ANKRD11: variants seen among roughly 807,000 people sequenced by gnomAD.
ANKRD11 encodes the protein ankyrin repeat domain-containing protein 11.
A neutral mutation model predicts 195.7 loss-of-function variants in ANKRD11; 17 were observed. The ratio of observed to expected loss-of-function variants is 0.09; its 90% CI spans 0.06 to 0.13. The LOEUF (loss-of-function observed/expected upper bound fraction) is 0.13. ANKRD11 is among the 10% of genes least tolerant of loss of function. The pLI is 1.00. For synonymous variants in ANKRD11, 1,953 were observed against 1,528.1 expected (o/e 1.28, Z -6.49); for missense variants, 3,735 against 3,566.1 (o/e 1.05, Z -1.21).
At chr16:89,404,418 T>C (rs556381343) in intron 2 of ANKRD11, among the ~76,000 whole-genome samples, 27 of 152,372 alleles carry the variant, frequency 1.8e-4, no homozygotes, top group Non-Finnish European at 3.1e-4. Flanking sequence ...AACCCTATTA[T>C]GTCTCCTGCT....
rs758532138 is a variant in ANKRD11, at chr16:89,316,972, G to C, written c.48C>G (p.Pro16=). The change falls in exon 3 of 13, where the codon CCC becomes CCG. Residue 16 remains proline, a synonymous_variant. Coordinates refer to ENST00000301030, the MANE Select transcript of ANKRD11 (RefSeq NM_013275.6). ...CPKAPQQEEL[P]LSSDMVEKQT... is the part of the protein sequence containing the mutation. ...GCTTCTCCACCATGTCGCTGCTGAG[G>C]GGAAGCTCTTCCTGCTGTGGTGCTT... 3.7e-6 allele frequency: 6 copies of C among 1,613,906 alleles called. No individual in the cohort carries two copies. Among genetic ancestry groups the C allele is most frequent in the Non-Finnish European group, 5.1e-6 (6 of 1,179,944 alleles).
chr16:89,469,195 A>G (rs76224886), intron 1 of ANKRD11, among the ~76,000 whole-genome samples: 1 of 151,462 alleles, frequency 6.6e-6, no homozygotes, highest in African/African-American at 2.4e-5. Context: ...AAAAAAGAGG[A>G]AAAAAAAGAA....
intron 2 of ANKRD11, among the ~76,000 whole-genome samples, chr16:89,326,981 C>G (rs949905947): frequency 2.0e-5 from 3 of 149,108 alleles, no homozygotes; most frequent in African/African-American, 5.0e-5. Flanking sequence ...GTCCACTGGG[C>G]AATGCAGAGG....
intron 2 of ANKRD11, among the ~76,000 whole-genome samples, chr16:89,416,863 C>A (rs1484994718): frequency 6.6e-6 from 1 of 152,170 alleles, no homozygotes; most frequent in Non-Finnish European, 1.5e-5. Context: ...AGAGGCACAG[C>A]TCAGACCCTG....
intron 1 of ANKRD11, among the ~76,000 whole-genome samples, chr16:89,437,978 A>T (rs2152285146): frequency 6.6e-6 from 1 of 152,334 alleles, no homozygotes; most frequent in Middle Eastern, 3.4e-3. Flanking sequence ...CTGGATACAA[A>T]ATATAAGATG....
chr16:89,340,349 C>G (rs1192777055), intron 2 of ANKRD11, among the ~76,000 whole-genome samples: 3 of 152,242 alleles, frequency 2.0e-5, no homozygotes, highest in Admixed American at 2.0e-4. Context: ...ACCATCTCGG[C>G]TCACTGCAAC....
intron 2 of ANKRD11, among the ~76,000 whole-genome samples, chr16:89,380,896 G>A (rs1159711831): frequency 1.3e-5 from 2 of 152,232 alleles, no homozygotes; most frequent in Admixed American, 1.3e-4. Flanking sequence ...GAGGTCGTGG[G>A]CAGAGGACAG....
At chr16:89,393,338 G>T (rs1170773427) in intron 2 of ANKRD11, among the ~76,000 whole-genome samples, 3 of 148,508 alleles carry the variant, frequency 2.0e-5, no homozygotes, top group East Asian at 1.9e-4. Flanking sequence ...TGAGACGGAG[G>T]CTTGCTCTGT....
chr16:89,274,726 G>T (rs1298192981), intron 11 of ANKRD11, 88 bp downstream of exon 11: 1 of 1,582,598 alleles, frequency 6.3e-7, no homozygotes, highest in Non-Finnish European at 8.6e-7. Context: ...GAAGCTCCTG[G>T]TCAAAGTGCA....
Position 89,382,162 on chromosome 16 carries a change from C to T in ANKRD11, c.-60+36122G>A, listed in dbSNP as rs537732033. Among the ~76,000 whole-genome samples, 5 of 152,180 alleles carry T rather than the reference C, an allele frequency of 3.3e-5. No homozygotes were observed. The South Asian group carries it at 1.0e-3, about 32-fold the overall frequency. ...CCAGGGGACAGAGAGTCTGCTCCCA[C>T]CCATCTCCTCTTTCCCCTGGAGCCC... On this transcript the variant is annotated intron_variant, in intron 2 of 12. Transcript: ENST00000301030.
chr16:89,430,054 G>C (rs1437096625), intron 1 of ANKRD11, among the ~76,000 whole-genome samples: 1 of 125,336 alleles, frequency 8.0e-6, no homozygotes, highest in Non-Finnish European at 1.7e-5. Flanking sequence ...ACACAGCAGG[G>C]ACTCTCAACT....
intron 2 of ANKRD11, among the ~76,000 whole-genome samples, chr16:89,366,866 C>A (rs185864148): frequency 1.3e-5 from 2 of 152,236 alleles, no homozygotes; most frequent in African/African-American, 4.8e-5. Context: ...AAGCCACTCA[C>A]GGCCTCTGTC....
chr16:89,440,126 T>C (rs978646750), intron 1 of ANKRD11, among the ~76,000 whole-genome samples: 19 of 152,188 alleles, frequency 1.2e-4, no homozygotes, highest in African/African-American at 4.6e-4. Context: ...CCCGCAACCA[T>C]TTCCCTGCCT....
intron 2 of ANKRD11, among the ~76,000 whole-genome samples, chr16:89,360,993 G>C (rs1335881741): frequency 1.3e-5 from 2 of 152,104 alleles, no homozygotes; most frequent in Non-Finnish European, 2.9e-5. Flanking sequence ...CATCCAGATG[G>C]ATCCGATCCA....
intron 12 of ANKRD11, among the ~76,000 whole-genome samples, chr16:89,268,941 G>A (rs892854408): frequency 1.3e-5 from 2 of 152,242 alleles, no homozygotes; most frequent in Non-Finnish European, 2.9e-5. Flanking sequence ...CTCTGGGTGG[G>A]CCTGGGACTC....
chr16:89,467,180 C>T (rs1433282657), intron 1 of ANKRD11, among the ~76,000 whole-genome samples: 1 of 152,102 alleles, frequency 6.6e-6, no homozygotes, highest in Non-Finnish European at 1.5e-5. Context: ...GTCTATAATC[C>T]CAGAACCTGG....
At chr16:89,426,700 G>A (rs747741639) in intron 1 of ANKRD11, among the ~76,000 whole-genome samples, 3 of 152,156 alleles carry the variant, frequency 2.0e-5, no homozygotes, top group Non-Finnish European at 4.4e-5. Flanking sequence ...ACAGTCTAAT[G>A]GCAAAACTCA....
intron 2 of ANKRD11, among the ~76,000 whole-genome samples, chr16:89,351,590 T>C (rs2039221866): frequency 6.6e-6 from 1 of 152,196 alleles, no homozygotes. Context: ...ACGAAGCTTC[T>C]CTCTGTGTTT....
chr16:89,392,056 A>G (rs1482137949), intron 2 of ANKRD11, among the ~76,000 whole-genome samples: 1 of 150,146 alleles, frequency 6.7e-6, no homozygotes, highest in East Asian at 1.9e-4. Flanking sequence ...TGCCTCTTTT[A>G]AAAAGTTCTA....
Sources: allele counts gnomAD v4.1 joint callset (sites outside exome capture counted in the v4.1 genomes callset), GRCh38; gene constraint gnomAD v4.1.1; transcripts MANE v1.5; gene names NCBI Gene and HGNC (gene_info 2026-07-23, HGNC 2026-07-21).